Variants in HACE1 observed in about 807,000 individuals in gnomAD.
HACE1 encodes the protein E3 ubiquitin-protein ligase HACE1.
Under a neutral mutation model 118.4 loss-of-function variants are expected in HACE1, and 73 were observed. That is an observed-to-expected ratio of 0.62 (90% confidence interval 0.51 to 0.75). The LOEUF (loss-of-function observed/expected upper bound fraction) is 0.75. Ranked by LOEUF, HACE1 falls within the 30% of genes least tolerant of loss-of-function variation. The pLI is 0.00. For synonymous variants in HACE1, 368 were observed against 374.8 expected, an observed-to-expected ratio of 0.98 and a Z score of 0.21; for missense variants, 749 against 1,102.2, an observed-to-expected ratio of 0.68 and a Z score of 4.54.
intron 17 of HACE1, among the ~76,000 whole-genome samples, chr6:104,773,822 C>T (rs1582401231): frequency 6.7e-6 from 1 of 148,592 alleles, no homozygotes; most frequent in Non-Finnish European, 1.5e-5. Flanking sequence ...AAAGGAGTAA[C>T]AGTTTTTAAC....
At chr6:104,817,334 T>C (rs1159306460) in intron 6 of HACE1, among the ~76,000 whole-genome samples, 1 of 152,116 alleles carries the variant, frequency 6.6e-6, no homozygotes, top group East Asian at 1.9e-4. Context: ...GCTGCTCTTG[T>C]GATAGTGAAT....
chr6:104,787,907 C>T (rs1772024849), intron 11 of HACE1, among the ~76,000 whole-genome samples: 1 of 151,834 alleles, frequency 6.6e-6, no homozygotes, highest in Non-Finnish European at 1.5e-5. Context: ...AGTAATAAAC[C>T]ACATTGGACC....
intron 6 of HACE1, among the ~76,000 whole-genome samples, chr6:104,815,529 T>C (rs1171828404): frequency 7.3e-6 from 1 of 136,110 alleles, no homozygotes; most frequent in African/African-American, 3.0e-5. Flanking sequence ...ACCCAGCTAA[T>C]TTTTTCTGTT....
intron 5 of HACE1, among the ~76,000 whole-genome samples, chr6:104,840,573 A>C (rs1198084468): frequency 6.6e-6 from 1 of 152,168 alleles, no homozygotes; most frequent in Non-Finnish European, 1.5e-5. Flanking sequence ...TCACACCTGT[A>C]ATCCGAGCAC....
At chr6:104,798,043 G>C (rs746071135) in intron 7 of HACE1, among the ~76,000 whole-genome samples, 4 of 148,528 alleles carry the variant, frequency 2.7e-5, no homozygotes, top group Non-Finnish European at 5.9e-5. Flanking sequence ...ACTCCAGCCT[G>C]GGTAACAAGA....
intron 19 of HACE1, among the ~76,000 whole-genome samples, chr6:104,759,719 C>T (rs1779122138): frequency 6.6e-6 from 1 of 151,840 alleles, no homozygotes; most frequent in Admixed American, 6.6e-5. Flanking sequence ...TTGAAGGAGA[C>T]AGGAACATGA....
intron 22 of HACE1, among the ~76,000 whole-genome samples, chr6:104,737,987 G>C (rs1412604374): frequency 6.6e-6 from 1 of 152,290 alleles, no homozygotes; most frequent in East Asian, 1.9e-4. Context: ...ATCTGAGAAC[G>C]GGCAGACTGC....
chr6:104,856,969 C>T (rs1436363818), intron 1 of HACE1, among the ~76,000 whole-genome samples: 1 of 151,936 alleles, frequency 6.6e-6, no homozygotes, highest in East Asian at 1.9e-4. Context: ...TTTTAGAGTA[C>T]AAGCTGACTA....
chr6:104,752,870 G>A (rs968435633), intron 19 of HACE1, among the ~76,000 whole-genome samples: 1 of 151,940 alleles, frequency 6.6e-6, no homozygotes, highest in African/African-American at 2.4e-5. Context: ...TTGAAAATCA[G>A]CTCCTTCACA....
At chr6:104,784,311 A>G in intron 13 of HACE1, 106 bp downstream of exon 13, 1 of 903,490 alleles carries the variant, frequency 1.1e-6, no homozygotes, top group Non-Finnish European at 1.9e-6. Context: ...TTTGTTATTG[A>G]GCATATTTTG....
intron 7 of HACE1, among the ~76,000 whole-genome samples, chr6:104,798,841 A>G (rs891329156): frequency 6.6e-6 from 1 of 152,228 alleles, no homozygotes; most frequent in African/African-American, 2.4e-5. Flanking sequence ...AATCCATCTT[A>G]TAAAACTGCT....
intron 7 of HACE1, among the ~76,000 whole-genome samples, chr6:104,805,888 C>G (rs1770940708): frequency 6.6e-6 from 1 of 151,628 alleles, no homozygotes; most frequent in Non-Finnish European, 1.5e-5. Context: ...ATTTAGTACT[C>G]AAAAAAATTA....
intron 7 of HACE1, among the ~76,000 whole-genome samples, chr6:104,801,926 T>G (rs1468456869): frequency 6.7e-6 from 1 of 148,586 alleles, no homozygotes; most frequent in East Asian, 2.0e-4. Flanking sequence ...GGATAAAGAG[T>G]CAAGACCCAT....
chr6:104,830,233 A>G (rs1773721980), intron 6 of HACE1, among the ~76,000 whole-genome samples: 1 of 152,152 alleles, frequency 6.6e-6, no homozygotes, highest in Non-Finnish European at 1.5e-5. Context: ...TCTAATATGC[A>G]ATAGTGCCTT....
intron 19 of HACE1, among the ~76,000 whole-genome samples, chr6:104,757,688 G>A (rs1029869093): frequency 6.6e-6 from 1 of 152,158 alleles, no homozygotes; most frequent in African/African-American, 2.4e-5. Context: ...ACTGGATGGA[G>A]AATGAGTTTG....
intron 10 of HACE1, among the ~76,000 whole-genome samples, 161 bp from the exon 11 acceptor site, chr6:104,791,815 G>C (rs1311680693): frequency 6.6e-6 from 1 of 151,962 alleles, no homozygotes; most frequent in Non-Finnish European, 1.5e-5. Flanking sequence ...CAGTTTAACA[G>C]GAAGTTACAT....
intron 20 of HACE1, among the ~76,000 whole-genome samples, chr6:104,748,171 AAAATAT>A (rs761538337): frequency 3.3e-5 from 5 of 152,132 alleles, no homozygotes; most frequent in Non-Finnish European, 7.4e-5. Context: ...ACCTGAGTAG[AAAATAT>A]TCATAATACA....
At chr6:104,762,502 GAAACAC>G (rs971605988) in intron 19 of HACE1, among the ~76,000 whole-genome samples, 6 of 152,044 alleles carry the variant, frequency 3.9e-5, no homozygotes, top group African/African-American at 1.4e-4. Context: ...TGAACAATGA[GAAACAC>G]ATGGACACAA....
At chr6:104,831,996 A>G (rs1417636924) in intron 6 of HACE1, among the ~76,000 whole-genome samples, 131 of 122,132 alleles carry the variant, frequency 1.1e-3, no homozygotes, top group African/African-American at 2.7e-3. Flanking sequence ...GGAAGGAAGG[A>G]AGGAAGGAAG....
Sources: gnomAD v4.1 joint callset for allele counts (sites outside exome capture counted in the v4.1 genomes callset) on GRCh38, gnomAD v4.1.1 for gene constraint, MANE v1.5 for transcripts, NCBI Gene and HGNC (gene_info 2026-07-23, HGNC 2026-07-21) for gene names.